Variants in CIRSR observed in about 807,000 individuals in gnomAD.
CIRSR encodes corepressor of RBPJ and splicing regulator.
chr2:174,370,948 A>G, the CIRSR span, among the ~76,000 whole-genome samples: 1 of 151,830 alleles, frequency 6.6e-6, no homozygotes, highest in South Asian at 2.1e-4. Flanking sequence ...AAAATGCTCC[A>G]TGGATGAATG....
At chr2:174,389,617 AAAT>A in the CIRSR span, among the ~76,000 whole-genome samples, 3 of 152,256 alleles carry the variant, frequency 2.0e-5, no homozygotes, top group Admixed American at 2.0e-4. Flanking sequence ...AAATTTGCAT[AAAT>A]AATGAGAAGT....
the CIRSR span, among the ~76,000 whole-genome samples, chr2:174,377,408 G>A: frequency 6.6e-6 from 1 of 152,060 alleles, no homozygotes; most frequent in Non-Finnish European, 1.5e-5. Flanking sequence ...CCTGTACTGG[G>A]GTATCAGTGG....
chr2:174,368,291 G>C, the CIRSR span, among the ~76,000 whole-genome samples: 2 of 152,076 alleles, frequency 1.3e-5, no homozygotes, highest in African/African-American at 2.4e-5. Flanking sequence ...CACTTGTATA[G>C]AACATTCACC....
At chr2:174,371,806 T>C in the CIRSR span, among the ~76,000 whole-genome samples, 5 of 152,158 alleles carry the variant, frequency 3.3e-5, no homozygotes, top group Non-Finnish European at 7.3e-5. Context: ...TATCATGAAA[T>C]AATTACACTC....
the CIRSR span, among the ~76,000 whole-genome samples, chr2:174,359,908 T>C: frequency 7.2e-5 from 11 of 152,314 alleles, no homozygotes; most frequent in South Asian, 1.5e-3. Context: ...ATGTCCTTTG[T>C]AGCAACATGG....
At chr2:174,390,732 G>GT in the CIRSR span, among the ~76,000 whole-genome samples, 4 of 152,244 alleles carry the variant, frequency 2.6e-5, no homozygotes, top group South Asian at 2.1e-4. Flanking sequence ...GAATAAAAGG[G>GT]GCTGTTACCT....
chr2:174,378,827 A>C, the CIRSR span: 1 of 928,852 alleles, frequency 1.1e-6, no homozygotes, highest in South Asian at 1.3e-5. Context: ...CCACACACAA[A>C]CCCAAATAAA....
At chr2:174,358,857 T>C in the CIRSR span, among the ~76,000 whole-genome samples, 1 of 152,100 alleles carries the variant, frequency 6.6e-6, no homozygotes, top group South Asian at 2.1e-4. Context: ...GGATTACAGG[T>C]GCACGCCACC....
the CIRSR span, among the ~76,000 whole-genome samples, chr2:174,374,287 A>C: frequency 2.5e-4 from 38 of 151,974 alleles, no homozygotes; most frequent in South Asian, 6.3e-4. Flanking sequence ...TTTTAGTCCC[A>C]CCTCCTCTAT....
At chr2:174,369,954 T>A in the CIRSR span, 3 of 1,361,998 alleles carry the variant, frequency 2.2e-6, no homozygotes, top group South Asian at 3.5e-5. Context: ...GTTGGAAAAC[T>A]GGTGCTGATA....
the CIRSR span, chr2:174,380,324 AAT>A: frequency 4.6e-6 from 5 of 1,097,758 alleles, no homozygotes; most frequent in Admixed American, 2.6e-5. Context: ...TAATCAGAAA[AAT>A]AGTTTTACAG....
chr2:174,358,871 C>A, the CIRSR span, among the ~76,000 whole-genome samples: 1 of 152,096 alleles, frequency 6.6e-6, no homozygotes, highest in African/African-American at 2.4e-5. Context: ...CGCCACCACG[C>A]CCAGCTAATT....
At chr2:174,369,682 T>C in the CIRSR span, among the ~76,000 whole-genome samples, 1 of 152,206 alleles carries the variant, frequency 6.6e-6, no homozygotes, top group African/African-American at 2.4e-5. Context: ...TTCAATATCA[T>C]TGTGTCTCAG....
the CIRSR span, chr2:174,348,424 AT>A: frequency 1.3e-6 from 2 of 1,522,018 alleles, no homozygotes; most frequent in East Asian, 4.5e-5. Context: ...TGCTAAAGGT[AT>A]TCAATAAAAA....
the CIRSR span, among the ~76,000 whole-genome samples, chr2:174,353,599 C>T: frequency 6.6e-6 from 1 of 152,094 alleles, no homozygotes; most frequent in African/African-American, 2.4e-5. Context: ...TCTGGAGTAG[C>T]TGGGATTACA....
the CIRSR span, among the ~76,000 whole-genome samples, chr2:174,362,584 G>A: frequency 6.7e-6 from 1 of 149,592 alleles, no homozygotes; most frequent in African/African-American, 2.5e-5. Flanking sequence ...TCAGGAGGCT[G>A]AGGCAGGAGA....
At chr2:174,355,322 G>C in the CIRSR span, among the ~76,000 whole-genome samples, 1 of 152,132 alleles carries the variant, frequency 6.6e-6, no homozygotes, top group Non-Finnish European at 1.5e-5. Context: ...CTTAAAAATT[G>C]TTTGGCTTAT....
At chr2:174,381,658 GAA>G in the CIRSR span, 390 of 1,127,306 alleles carry the variant, frequency 3.5e-4, no homozygotes, top group Middle Eastern at 9.3e-4. Context: ...CTGTGCCTCA[GAA>G]AAAAAAAAAA....
the CIRSR span, among the ~76,000 whole-genome samples, chr2:174,364,153 T>C: frequency 6.6e-6 from 1 of 152,092 alleles, no homozygotes; most frequent in African/African-American, 2.4e-5. Context: ...ATTGGCCCCT[T>C]TGTTTTCACA....
Sources: gnomAD v4.1 joint callset for allele counts (sites outside exome capture counted in the v4.1 genomes callset) on GRCh38, gnomAD v4.1.1 for gene constraint, MANE v1.5 for transcripts, NCBI Gene and HGNC (gene_info 2026-07-23, HGNC 2026-07-21) for gene names.